The following NDUFAF2 variants were observed in gnomAD, a reference collection of about 807,000 sequenced individuals.
NDUFAF2 encodes NADH dehydrogenase [ubiquinone] 1 alpha subcomplex assembly factor 2.
Under a neutral mutation model 22.8 loss-of-function variants are expected in NDUFAF2, and 13 were observed. The observed-to-expected ratio is 0.57, with a 90% CI of 0.37 to 0.91. The LOEUF is 0.91. Among genes scored for constraint, NDUFAF2 ranks in the 40% least tolerant of loss-of-function variants. NDUFAF2 has a pLI of 0.01. For missense variants in NDUFAF2, 162 were observed against 195.2 expected (o/e 0.83, Z 1.01); for synonymous variants, 53 against 64.2 (o/e 0.83, Z 0.84).
intron 1 of NDUFAF2, among the ~76,000 whole-genome samples, chr5:60,983,794 G>A (rs900189554): frequency 2.2e-4 from 34 of 151,822 alleles, no homozygotes; most frequent in Middle Eastern, 3.4e-3. Context: ...TGCTGTTTTG[G>A]TTACTGTAGC....
At chr5:60,958,750 A>G (rs1750649199) in intron 1 of NDUFAF2, among the ~76,000 whole-genome samples, 1 of 152,166 alleles carries the variant, frequency 6.6e-6, no homozygotes, top group African/African-American at 2.4e-5. Context: ...CTAGTTTTAC[A>G]AAATCTTGAG....
chr5:61,116,658 T>A (rs1427916422), intron 3 of NDUFAF2: 1 of 152,230 alleles, frequency 6.6e-6, no homozygotes, highest in Non-Finnish European at 1.5e-5. Context: ...TAAGCTTGAA[T>A]GTAGGCTAAA....
chr5:61,078,433 A>AT lies in NDUFAF2; in HGVS notation c.217+5226dup, dbSNP rs570708199. 2.2e-4 allele frequency among the ~76,000 whole-genome samples: 34 copies of AT among 152,212 alleles called. No individual in the cohort carries two copies. The South Asian group carries it at 6.6e-3, about 30-fold the overall frequency. On this transcript the variant is annotated intron_variant, in intron 2 of 3. Transcript: ENST00000296597. ...AGACATGGAACAGTAGACCAGACCA[A>AT]TTTTTTTCAAACATATAGAAGATTT...
chr5:61,095,804 G>A (rs1752632540), intron 2 of NDUFAF2, among the ~76,000 whole-genome samples: 1 of 152,164 alleles, frequency 6.6e-6, no homozygotes, highest in Non-Finnish European at 1.5e-5. Context: ...AGGTTCCCCT[G>A]GCTCCATGTC....
chr5:61,112,822 T>G (rs1466345323), intron 3 of NDUFAF2, among the ~76,000 whole-genome samples: 1 of 152,138 alleles, frequency 6.6e-6, no homozygotes, highest in Non-Finnish European at 1.5e-5. Flanking sequence ...CTCTTCCTTC[T>G]TTCCTTTCTT....
At position 61,056,919 on chromosome 5, in the gene NDUFAF2, AATATATATATATATAT is replaced by A. The variant is rs1174310851; in HGVS notation, c.128-16187_128-16172del. On this transcript the variant is annotated intron_variant, in intron 1 of 3. Coordinates refer to ENST00000296597, the MANE Select transcript of NDUFAF2 (RefSeq NM_174889.5). Reference sequence around the variant, plus strand: ...AAAAAAAAAAAAAAAAAAAAAAAAAAATATATATATATATATATATATATATATATATATTTATATG... The same window carrying A: ...AAAAAAAAAAAAAAAAAAAAAAAAAAATATATATATATATATATTTATATG... 7.6e-3 allele frequency among the ~76,000 whole-genome samples: 218 copies of A among 28,798 alleles called. 3 individuals are homozygous for A. Among genetic ancestry groups the A allele is most frequent in the Admixed American group, 8.5e-3 (14 of 1,646 alleles). The allele number at this position is 28,798 out of a possible 152,430, so 18.9% of individuals were successfully genotyped here. A position where few individuals can be genotyped will look rare whatever the true frequency, so the allele number is the denominator to read the frequency against.
intron 1 of NDUFAF2, among the ~76,000 whole-genome samples, chr5:60,997,708 A>G (rs1751245615): frequency 6.6e-6 from 1 of 152,220 alleles, no homozygotes; most frequent in African/African-American, 2.4e-5. Flanking sequence ...ACCCATAAAC[A>G]AATAAAAGTT....
intron 1 of NDUFAF2, 94 bp downstream of exon 1, chr5:60,945,476 A>T: frequency 6.5e-7 from 1 of 1,540,338 alleles, no homozygotes; most frequent in Non-Finnish European, 9.0e-7. Context: ...CTAACGCATC[A>T]TGCGACACTT....
chr5:61,038,109 A>AGAGAGAGG (rs1433331335), intron 1 of NDUFAF2, among the ~76,000 whole-genome samples: 46 of 148,930 alleles, frequency 3.1e-4, no homozygotes, highest in African/African-American at 1.1e-3. Flanking sequence ...AGAGAGAGAG[A>AGAGAGAGG]GAGAGAGGGA....
intron 1 of NDUFAF2, among the ~76,000 whole-genome samples, chr5:61,027,191 GT>G (rs1222170369): frequency 2.0e-5 from 3 of 151,160 alleles, no homozygotes; most frequent in African/African-American, 7.3e-5. Flanking sequence ...GATTACAGTT[GT>G]TTTGTTATGT....
At chr5:61,044,867 C>A (rs1326844079) in intron 1 of NDUFAF2, among the ~76,000 whole-genome samples, 1 of 151,734 alleles carries the variant, frequency 6.6e-6, no homozygotes, top group Admixed American at 6.6e-5. Flanking sequence ...TAAAAATTAT[C>A]CTTGGAATTT....
chr5:61,051,840 G>A (rs1327267818), intron 1 of NDUFAF2, among the ~76,000 whole-genome samples: 1 of 152,116 alleles, frequency 6.6e-6, no homozygotes. Flanking sequence ...CCAGATATGA[G>A]GCACTAATAT....
At chr5:60,986,660 G>T (rs1220402208) in intron 1 of NDUFAF2, among the ~76,000 whole-genome samples, 1 of 152,082 alleles carries the variant, frequency 6.6e-6, no homozygotes, top group Admixed American at 6.5e-5. Context: ...GCCAGGCATG[G>T]TGGCTCATGC....
chr5:61,046,874 G>A (rs1483829524), intron 1 of NDUFAF2, among the ~76,000 whole-genome samples: 2 of 152,132 alleles, frequency 1.3e-5, no homozygotes, highest in African/African-American at 2.4e-5. Context: ...CCCATGCTTG[G>A]AAAGTTAATA....
chr5:61,036,451 C>G (rs1337621998), intron 1 of NDUFAF2, among the ~76,000 whole-genome samples: 2 of 152,158 alleles, frequency 1.3e-5, no homozygotes, highest in African/African-American at 4.8e-5. Context: ...TTGCCTATTC[C>G]TAGTGTTATG....
At chr5:60,970,096 T>G (rs12652369) in intron 1 of NDUFAF2, among the ~76,000 whole-genome samples, 63,690 of 151,954 alleles carry the variant, frequency 0.42, 13,975 homozygotes, top group East Asian at 0.8. Context: ...TCTGTTGTTA[T>G]GCCAGTACCA....
intron 3 of NDUFAF2, among the ~76,000 whole-genome samples, chr5:61,102,723 T>C (rs1752718075): frequency 6.6e-6 from 1 of 151,998 alleles, no homozygotes. Flanking sequence ...TAGGAGAAAA[T>C]AATCATAGTA....
At chr5:61,003,857 A>C (rs1449103407) in intron 1 of NDUFAF2, among the ~76,000 whole-genome samples, 3 of 151,732 alleles carry the variant, frequency 2.0e-5, no homozygotes, top group Non-Finnish European at 4.4e-5. Flanking sequence ...TAGGAGATTG[A>C]GGTCTTACTC....
At chr5:61,051,770 T>C (rs1031597043) in intron 1 of NDUFAF2, among the ~76,000 whole-genome samples, 1 of 152,154 alleles carries the variant, frequency 6.6e-6, no homozygotes, top group Non-Finnish European at 1.5e-5. Context: ...GACTCAAAGA[T>C]AGAGGCATAA....
Sources: allele counts gnomAD v4.1 joint callset (sites outside exome capture counted in the v4.1 genomes callset), GRCh38; gene constraint gnomAD v4.1.1; transcripts MANE v1.5; gene names NCBI Gene and HGNC (gene_info 2026-07-23, HGNC 2026-07-21).